The following MTSS1 variants were observed in gnomAD, a reference collection of about 807,000 sequenced individuals.
MTSS1 encodes the protein protein MTSS 1.
Under a neutral mutation model 79.0 loss-of-function variants are expected in MTSS1, and 18 were observed. The ratio of observed to expected loss-of-function variants is 0.23; its 90% CI spans 0.16 to 0.34. MTSS1 has a LOEUF of 0.34. Ranked by LOEUF, MTSS1 falls within the 10% of genes least tolerant of loss-of-function variation. The probability of loss-of-function intolerance (pLI) is 1.00; values close to 1 mark genes in which losing one functional copy is unlikely to be tolerated. For missense variants in MTSS1, 815 were observed against 986.2 expected (o/e 0.83, Z 2.33); for synonymous variants, 341 against 368.6 (o/e 0.93, Z 0.86).
At chr8:124,660,292 C>T (rs1821756812) in intron 3 of MTSS1, among the ~76,000 whole-genome samples, 1 of 152,054 alleles carries the variant, frequency 6.6e-6, no homozygotes, top group African/African-American at 2.4e-5. Flanking sequence ...TAGGCTGTGC[C>T]ACAGAAACAG....
chr8:124,580,381 C>T, intron 6 of MTSS1: 1 of 642,952 alleles, frequency 1.6e-6, no homozygotes, highest in Non-Finnish European at 2.6e-6. Context: ...AATTAAAACA[C>T]AACGCACACA....
chr8:124,588,913 C>T (rs1331200030), intron 5 of MTSS1, among the ~76,000 whole-genome samples: 1 of 152,036 alleles, frequency 6.6e-6, no homozygotes, highest in South Asian at 2.1e-4. Context: ...TAGGGTTTCA[C>T]CAAGTTGGCC....
At chr8:124,656,045 GA>G (rs1319998243) in intron 3 of MTSS1, among the ~76,000 whole-genome samples, 1 of 152,112 alleles carries the variant, frequency 6.6e-6, no homozygotes, top group East Asian at 1.9e-4. Flanking sequence ...ATCAGAAGGA[GA>G]AAAAAACCTA....
At chr8:124,591,916 G>A (rs527437705) in intron 3 of MTSS1, among the ~76,000 whole-genome samples, 2 of 152,066 alleles carry the variant, frequency 1.3e-5, no homozygotes, top group South Asian at 4.2e-4. Context: ...AAGTAGCTGG[G>A]ATTACAGGCA....
At chr8:124,587,990 CAAAGTT>C (rs1376829026) in intron 5 of MTSS1, among the ~76,000 whole-genome samples, 2 of 152,086 alleles carry the variant, frequency 1.3e-5, no homozygotes, top group East Asian at 1.9e-4. Flanking sequence ...CTGTGATAGA[CAAAGTT>C]AAAGGACGTG....
intron 1 of MTSS1, among the ~76,000 whole-genome samples, chr8:124,721,911 T>C (rs1385577408): frequency 6.6e-6 from 1 of 152,198 alleles, no homozygotes; most frequent in African/African-American, 2.4e-5. Flanking sequence ...GAGGTACACC[T>C]GCCTAGAACC....
At chr8:124,563,056 G>A in intron 9 of MTSS1, 64 bp from the exon 10 acceptor site, 1 of 1,309,378 alleles carries the variant, frequency 7.6e-7, no homozygotes, top group Non-Finnish European at 1.1e-6. Context: ...GCAGTGGTAA[G>A]AGGAAGGAGG....
intron 3 of MTSS1, among the ~76,000 whole-genome samples, chr8:124,677,551 T>C (rs1449498736): frequency 3.3e-5 from 5 of 152,234 alleles, no homozygotes; most frequent in African/African-American, 7.2e-5. Context: ...TTCATTTTTT[T>C]CCCCAACTCT....
intron 3 of MTSS1, among the ~76,000 whole-genome samples, chr8:124,631,845 G>C (rs371271993): frequency 6.6e-6 from 1 of 152,130 alleles, no homozygotes; most frequent in Non-Finnish European, 1.5e-5. Flanking sequence ...CAAAGCTCAG[G>C]CTTCCCCCAC....
At chr8:124,668,093 CAA>C (rs749109465) in intron 3 of MTSS1, among the ~76,000 whole-genome samples, 26 of 151,858 alleles carry the variant, frequency 1.7e-4, no homozygotes, top group Non-Finnish European at 3.2e-4. Context: ...AAAACAAAAA[CAA>C]AAAAAGTCTC....
intron 6 of MTSS1, 88 bp from the exon 7 acceptor site, chr8:124,568,624 C>CA: frequency 6.3e-7 from 1 of 1,575,676 alleles, no homozygotes; most frequent in South Asian, 1.1e-5. Flanking sequence ...TTGCTGGAGT[C>CA]AAAACCACAA....
intron 13 of MTSS1, among the ~76,000 whole-genome samples, chr8:124,554,951 C>T (rs1823274304): frequency 6.6e-6 from 1 of 152,114 alleles, no homozygotes; most frequent in Non-Finnish European, 1.5e-5. Flanking sequence ...TCAAGCAGTC[C>T]TCCCACCTCA....
chr8:124,672,612 C>T (rs1022451053), intron 3 of MTSS1, among the ~76,000 whole-genome samples: 1 of 151,666 alleles, frequency 6.6e-6, no homozygotes, highest in African/African-American at 2.4e-5. Flanking sequence ...TTGAGACCAC[C>T]CTGGATAACA....
In MTSS1 at chr8:124,553,340, C is replaced by G. The variant is rs1389351462; in HGVS notation, c.1920G>C (p.Arg640=). 5.0e-6 allele frequency: 8 copies of G among 1,613,604 alleles called. No homozygotes were observed. The highest frequency in any genetic ancestry group is 6.8e-6 in the Non-Finnish European group (8 of 1,179,560). The stretch of plus-strand genomic sequence containing the variant: ...ATGGCGACTCAGGGCTGTGCTCCCC[C>G]CGCTCTTCTGGCCCATCTGGAGGGG... The part of the protein sequence containing the change: ...LPAPPDGPEE[R]GEHSPESPSV... Residue 640 remains arginine, a synonymous_variant, in exon 14 of 14, where the codon CGG becomes CGC. Transcript: ENST00000518547. This position sits in a 1 kb window ranked among gnomAD's most constrained non-coding sequence, Gnocchi z 6.0.
At chr8:124,649,873 C>T (rs1563931285) in intron 3 of MTSS1, among the ~76,000 whole-genome samples, 1 of 151,916 alleles carries the variant, frequency 6.6e-6, no homozygotes, top group Non-Finnish European at 1.5e-5. Flanking sequence ...ATCAAACTTA[C>T]GGCAGCCTCC....
intron 3 of MTSS1, among the ~76,000 whole-genome samples, chr8:124,648,712 C>T (rs541453712): frequency 1.3e-5 from 2 of 151,442 alleles, no homozygotes; most frequent in South Asian, 4.2e-4. Context: ...AATAGCAGCC[C>T]CCCCCCAGAT....
intron 5 of MTSS1, 48 bp downstream of exon 5, chr8:124,589,572 C>T (rs1831463870): frequency 1.3e-6 from 2 of 1,483,276 alleles, no homozygotes; most frequent in African/African-American, 1.4e-5. Flanking sequence ...CAACTTCCCA[C>T]AGCGCCCCCC....
chr8:124,578,212 T>TTC (rs1414533483), intron 6 of MTSS1, among the ~76,000 whole-genome samples: 3 of 151,772 alleles, frequency 2.0e-5, no homozygotes, highest in Admixed American at 2.0e-4. Flanking sequence ...GTCACTATGG[T>TTC]TCTCTATGCA....
At chr8:124,681,981 C>T (rs1826197810) in intron 3 of MTSS1, among the ~76,000 whole-genome samples, 1 of 151,948 alleles carries the variant, frequency 6.6e-6, no homozygotes, top group South Asian at 2.1e-4. Context: ...TCAAAGACTC[C>T]ACACACAGCC....
Sources: allele counts gnomAD v4.1 joint callset (sites outside exome capture counted in the v4.1 genomes callset), GRCh38; gene constraint gnomAD v4.1.1; non-coding constraint Gnocchi (gnomAD v3.1); transcripts MANE v1.5; gene names NCBI Gene and HGNC (gene_info 2026-07-23, HGNC 2026-07-21).